Variants in SBF2 observed in about 807,000 individuals in gnomAD.
The protein encoded by SBF2 is SET binding factor 2.
Under a neutral mutation model 225.2 loss-of-function variants are expected in SBF2, and 112 were observed. The observed-to-expected ratio is 0.50, with a 90% CI of 0.43 to 0.58. SBF2 has a LOEUF of 0.58. Among genes scored for constraint, SBF2 ranks in the 20% least tolerant of loss-of-function variants. The probability of loss-of-function intolerance (pLI) is 0.00; values close to 1 mark genes in which losing one functional copy is unlikely to be tolerated. For synonymous variants in SBF2, 763 were observed against 773.3 expected (o/e 0.99, Z 0.22); for missense variants, 1,996 against 2,206.2 (o/e 0.90, Z 1.91).
chr11:10,108,211 G>C (rs999102849), intron 2 of SBF2, among the ~76,000 whole-genome samples: 1 of 152,170 alleles, frequency 6.6e-6, no homozygotes, highest in Non-Finnish European at 1.5e-5. Context: ...AGAAAGGATA[G>C]CAGAACACTG....
chr11:10,019,778 T>C (rs1948780484), intron 6 of SBF2, among the ~76,000 whole-genome samples: 1 of 152,184 alleles, frequency 6.6e-6, no homozygotes. Flanking sequence ...AGGCCCTAGA[T>C]GCTGATCATT....
chr11:10,273,366 C>G (rs561725633), intron 1 of SBF2, among the ~76,000 whole-genome samples: 1 of 152,224 alleles, frequency 6.6e-6, no homozygotes, highest in South Asian at 2.1e-4. Context: ...CTTCAACATT[C>G]ATGCTTACTA....
At chr11:9,790,411 A>T in intron 34 of SBF2, 145 bp downstream of exon 34, 1 of 617,576 alleles carries the variant, frequency 1.6e-6, no homozygotes, top group Non-Finnish European at 2.7e-6. Flanking sequence ...CCAAACCTAT[A>T]GTGTCTCAAA....
At chr11:10,112,719 A>G (rs1284886585) in intron 2 of SBF2, among the ~76,000 whole-genome samples, 3 of 152,220 alleles carry the variant, frequency 2.0e-5, no homozygotes, top group Non-Finnish European at 4.4e-5. Context: ...AGAGCAGGGA[A>G]AGCAAAATCA....
chr11:10,238,529 CAAG>C (rs1959167016), intron 1 of SBF2, among the ~76,000 whole-genome samples: 1 of 136,400 alleles, frequency 7.3e-6, no homozygotes, highest in Non-Finnish European at 1.7e-5. Context: ...TTGAATTCCA[CAAG>C]AAGATTAACA....
chr11:9,979,888 C>A (rs1038624782), intron 13 of SBF2, among the ~76,000 whole-genome samples: 1 of 150,602 alleles, frequency 6.6e-6, no homozygotes, highest in East Asian at 2.0e-4. Flanking sequence ...TAGCTTACTG[C>A]AGCCTCAAAC....
intron 6 of SBF2, among the ~76,000 whole-genome samples, chr11:10,018,804 T>G (rs1948740135): frequency 6.6e-6 from 1 of 152,198 alleles, no homozygotes. Context: ...AGAACTAGCA[T>G]AAATATTTAA....
intron 3 of SBF2, among the ~76,000 whole-genome samples, chr11:10,032,442 C>T (rs575577636): frequency 8.8e-4 from 134 of 152,290 alleles, no homozygotes; most frequent in African/African-American, 3.1e-3. Context: ...ACTGGGCATG[C>T]TCCCATCCAC....
At chr11:10,224,864 T>A (rs1009845346) in intron 1 of SBF2, among the ~76,000 whole-genome samples, 1 of 152,216 alleles carries the variant, frequency 6.6e-6, no homozygotes, top group African/African-American at 2.4e-5. Flanking sequence ...CCTACAGGCC[T>A]ACAGCTCCAT....
chr11:9,971,288 G>C (rs1867309490), intron 13 of SBF2, among the ~76,000 whole-genome samples: 1 of 151,644 alleles, frequency 6.6e-6, no homozygotes, highest in African/African-American at 2.4e-5. Flanking sequence ...AGTAACACCA[G>C]TATTTTTTCT....
intron 1 of SBF2, among the ~76,000 whole-genome samples, chr11:10,265,624 T>C (rs2135523708): frequency 6.6e-6 from 1 of 152,206 alleles, no homozygotes; most frequent in South Asian, 2.1e-4. Flanking sequence ...TTAAATTCTG[T>C]GAAACACGCC....
rs760154688 is a variant in SBF2 at position 9,895,979 on chromosome 11, G to A, written c.1893C>T (p.Ala631=). 21 of 1,613,060 alleles carry A rather than the reference G, an allele frequency of 1.3e-5. No homozygotes were observed. The highest frequency in any genetic ancestry group is 1.6e-4 in the Middle Eastern group (1 of 6,080). ...DCSSLEEYNI[A]AALLPLTSAF... ...CACTGGTCAAAGGGAGTAATGCTGC[G>A]GCAATGTTGTATTCTTCTAAACTTG... The change falls in exon 17 of 40, where the codon GCC becomes GCT. Residue 631 remains alanine, a synonymous_variant. Coordinates refer to ENST00000256190, the MANE Select transcript of SBF2 (RefSeq NM_030962.4).
At chr11:10,019,964 C>T (rs1445251471) in intron 6 of SBF2, among the ~76,000 whole-genome samples, 1 of 152,058 alleles carries the variant, frequency 6.6e-6, no homozygotes, top group Non-Finnish European at 1.5e-5. Context: ...TTTAAGGCTC[C>T]TACAAATGTT....
chr11:10,198,979 C>T (rs138291641), intron 1 of SBF2, among the ~76,000 whole-genome samples: 59 of 152,290 alleles, frequency 3.9e-4, no homozygotes, highest in Admixed American at 7.2e-4. Context: ...AGTAATAATG[C>T]TGTCTCATTT....
At chr11:9,894,681 C>T (rs1284594566) in intron 17 of SBF2, among the ~76,000 whole-genome samples, 2 of 151,146 alleles carry the variant, frequency 1.3e-5, no homozygotes, top group Admixed American at 6.6e-5. Context: ...GAAACACTGC[C>T]TCAAAAAAAT....
At chr11:9,788,823 T>C (rs1301195749) in intron 35 of SBF2, among the ~76,000 whole-genome samples, 1 of 150,734 alleles carries the variant, frequency 6.6e-6, no homozygotes, top group African/African-American at 2.5e-5. Context: ...ACCAGGATGG[T>C]CTCGATCTCC....
chr11:10,042,992 T>TAGAAAAAAAAATGTA lies in SBF2; in HGVS notation c.142-26_142-12dup, dbSNP rs1565166341. 1 of 1,606,152 alleles carries TAGAAAAAAAAATGTA rather than the reference T, an allele frequency of 6.2e-7. No homozygotes were observed. Among genetic ancestry groups the TAGAAAAAAAAATGTA allele is most frequent in the African/African-American group, 1.3e-5 (1 of 74,080 alleles). ...GCCAGGCTGACAAAACTAAATGAAA[T>TAGAAAAAAAAATGTA]AGAAAAAAAAATGTAACATTTAAAA... On this transcript the variant is annotated splice_polypyrimidine_tract_variant and intron_variant, in intron 2 of 39. Coordinates refer to ENST00000256190, the MANE Select transcript of SBF2 (RefSeq NM_030962.4).
At chr11:9,882,592 A>T (rs1406697251) in intron 17 of SBF2, among the ~76,000 whole-genome samples, 1 of 151,976 alleles carries the variant, frequency 6.6e-6, no homozygotes. Context: ...GCGGATCACA[A>T]AGTCAGGAGA....
chr11:9,958,301 AAAGC>A (rs1866315887), intron 16 of SBF2: 1 of 152,212 alleles, frequency 6.6e-6, no homozygotes, highest in African/African-American at 2.4e-5. Flanking sequence ...CCAAAGAAAG[AAAGC>A]AAGATTAACT....
Sources: allele counts gnomAD v4.1 joint callset (sites outside exome capture counted in the v4.1 genomes callset), GRCh38; gene constraint gnomAD v4.1.1; transcripts MANE v1.5; gene names NCBI Gene and HGNC (gene_info 2026-07-23, HGNC 2026-07-21).